The following GOT2 variants were observed in gnomAD, a reference collection of about 807,000 sequenced individuals.
GOT2 encodes the protein aspartate aminotransferase, mitochondrial.
GOT2 carries 17 observed loss-of-function variants against 50.0 expected under a neutral mutation model. That is an observed-to-expected ratio of 0.34 (90% confidence interval 0.23 to 0.51). The LOEUF is 0.51. Ranked by LOEUF, GOT2 falls within the 20% of genes least tolerant of loss-of-function variation. GOT2 has a pLI of 0.97. For synonymous variants in GOT2, 172 were observed against 204.9 expected, an observed-to-expected ratio of 0.84 and a Z score of 1.37; for missense variants, 430 against 559.6, an observed-to-expected ratio of 0.77 and a Z score of 2.34.
intron 8 of GOT2, among the ~76,000 whole-genome samples, chr16:58,714,956 C>T (rs1177032019): frequency 6.6e-6 from 1 of 151,940 alleles, no homozygotes; most frequent in Non-Finnish European, 1.5e-5. Context: ...AGCCACTGTG[C>T]CCAGACTTAA....
chr16:58,723,880 T>C lies in GOT2; in HGVS notation c.112A>G (p.Met38Val), dbSNP rs1169301440. Residue 38 changes from methionine to valine, a missense_variant, in exon 2 of 10, where the codon ATG (methionine) becomes GTG (valine). Transcript: ENST00000245206. The part of the protein sequence containing the change: ...RASSWWTHVE[M>V]GPPDPILGVT... ...CCCAGAATGGGATCTGGAGGTCCCA[T>C]TTCCACATGGGTCCACCAGGAGCTG... is the stretch of plus-strand genomic sequence containing the variant. 1 of 1,613,800 alleles carries C rather than the reference T, an allele frequency of 6.2e-7. No homozygotes were observed. Among genetic ancestry groups the C allele is most frequent in the Non-Finnish European group, 8.5e-7 (1 of 1,179,748 alleles).
intron 1 of GOT2, among the ~76,000 whole-genome samples, chr16:58,733,465 A>T (rs1270294326): frequency 6.6e-6 from 1 of 152,054 alleles, no homozygotes; most frequent in Non-Finnish European, 1.5e-5. Flanking sequence ...GGACCTCCTT[A>T]GGGGCAATAA....
chr16:58,729,526 GA>G (rs2044815752), intron 1 of GOT2, among the ~76,000 whole-genome samples: 2 of 148,524 alleles, frequency 1.3e-5, no homozygotes, highest in Non-Finnish European at 3.0e-5. Context: ...AAAAGAAAAA[GA>G]AAAAACAATG....
At position 58,718,517 on chromosome 16, in the gene GOT2, C is replaced by A. The variant is rs1234138696; in HGVS notation, c.597+10G>T. 1.9e-6 allele frequency: 3 copies of A among 1,565,150 alleles called. No individual in the cohort carries two copies. The highest frequency in any genetic ancestry group is 1.7e-6 in the Non-Finnish European group (2 of 1,156,648). On this transcript the variant is annotated intron_variant, in intron 5 of 9. Transcript: ENST00000245206. ...TTATTCACCTCTCTCACCCTGAAAG[C>A]CACACTTACTGAAATATCCTCCACA...
rs11076256 is a variant in GOT2, at chr16:58,718,562, C to T, written c.562G>A (p.Gly188Ser). ...TCCACAGCGCCTGTGAAGTCAAAACCGCAAGTCTTGGGGTCATAATACCGA... is the reference window on the plus strand; with the variant it reads ...TCCACAGCGCCTGTGAAGTCAAAACTGCAAGTCTTGGGGTCATAATACCGA... ...GYRYYDPKTC[G>S]FDFTGAVEDI... is the part of the protein sequence containing the mutation. Residue 188 changes from glycine (G) to serine (S), a missense_variant, in exon 5 of 10, where the codon GGT becomes AGT. Gly to Ser is a moderately conservative substitution (Grantham distance 56). Coordinates refer to ENST00000245206, the MANE Select transcript of GOT2 (RefSeq NM_002080.4). 117,575 of 1,596,714 alleles carry T rather than the reference C, an allele frequency of 0.074. 4,759 individuals are homozygous for T. Among genetic ancestry groups the T allele is most frequent in the South Asian group, 0.09 (7,899 of 88,192 alleles).
At chr16:58,733,692 G>A (rs1306993119) in intron 1 of GOT2, among the ~76,000 whole-genome samples, 1 of 152,042 alleles carries the variant, frequency 6.6e-6, no homozygotes, top group Non-Finnish European at 1.5e-5. Context: ...GGGCACACAC[G>A]CGGCAGCCAG....
intron 3 of GOT2, 107 bp downstream of exon 3, chr16:58,722,043 G>A: frequency 7.9e-7 from 1 of 1,262,414 alleles, no homozygotes; most frequent in South Asian, 1.3e-5. Context: ...GCCTCCCAAA[G>A]TGGTGGGATT....
rs78619128 is a variant in GOT2 at position 58,708,704 on chromosome 16, T to G, written c.1171-411A>C. ...GATGGGGAAAAAGACACCTTTAGAT[T>G]CAGCAGAGCCAGGATTCAATTATGA... On this transcript the variant is annotated intron_variant, in intron 9 of 9. Coordinates refer to ENST00000245206, the MANE Select transcript of GOT2 (RefSeq NM_002080.4). 6.5e-3 allele frequency among the ~76,000 whole-genome samples: 993 copies of G among 152,256 alleles called. 11 individuals are homozygous for G. The highest frequency in any genetic ancestry group is 0.023 in the African/African-American group (960 of 41,548).
intron 9 of GOT2, among the ~76,000 whole-genome samples, 173 bp from the exon 10 acceptor site, chr16:58,708,466 G>A (rs1248027110): frequency 6.6e-6 from 1 of 152,130 alleles, no homozygotes; most frequent in Non-Finnish European, 1.5e-5. Flanking sequence ...TAAGGCTGGG[G>A]CGGTGGCTCA....
rs1803169 is a variant in GOT2, at chr16:58,709,520, G to A, written c.1067C>T (p.Thr356Ile). 1.9e-6 allele frequency: 3 copies of A among 1,613,446 alleles called. No individual in the cohort carries two copies. The highest frequency in any genetic ancestry group is 2.5e-6 in the Non-Finnish European group (3 of 1,179,418). Reference protein sequence around the residue: ...VMADRIIGMRTQLVSNLKKEG... With the variant: ...VMADRIIGMRIQLVSNLKKEG... ...CTTCTTGAGGTTGGAGACCAGTTGA[G>A]TCCGCATGCCAATGATGCGGTCAGC... Residue 356 changes from threonine to isoleucine, a missense_variant, in exon 9 of 10, where the codon ACT (threonine) becomes ATT (isoleucine). Thr to Ile is a moderately conservative substitution (Grantham distance 89). Transcript: ENST00000245206.
chr16:58,727,814 C>T (rs1189357067), intron 1 of GOT2, among the ~76,000 whole-genome samples: 4 of 152,126 alleles, frequency 2.6e-5, no homozygotes, highest in Non-Finnish European at 4.4e-5. Flanking sequence ...AATAAAGGCT[C>T]ACGGTGAGAA....
At chr16:58,721,968 T>TG (rs1243865269) in intron 3 of GOT2, 182 bp downstream of exon 3, 1 of 496,472 alleles carries the variant, frequency 2.0e-6, no homozygotes, top group African/African-American at 1.9e-5. Flanking sequence ...TTAGTAGAGA[T>TG]GGGGTTTCTC....
Position 58,708,023 on chromosome 16 carries a change from G to T in GOT2, c.*148C>A. The T allele has an allele frequency of 1.4e-6, 1 of 725,470 alleles. No homozygotes were observed. The highest frequency in any genetic ancestry group is 2.2e-6 in the Non-Finnish European group (1 of 464,256). The allele number at this position is 725,470 out of a possible 1,614,324, so 44.9% of individuals were successfully genotyped here. A position where few individuals can be genotyped will look rare whatever the true frequency, so the allele number is the denominator to read the frequency against. On this transcript the variant is annotated 3_prime_UTR_variant, in exon 10 of 10. Coordinates refer to ENST00000245206, the MANE Select transcript of GOT2 (RefSeq NM_002080.4). ...TGTGTCACTACATGTTCTTTTCTGA[G>T]AAACATTCAAATGCTGAGTGTTACA...
intron 1 of GOT2, among the ~76,000 whole-genome samples, chr16:58,727,026 C>A (rs73550809): frequency 6.6e-6 from 1 of 151,820 alleles, no homozygotes; most frequent in Non-Finnish European, 1.5e-5. Context: ...AGGTGGCGTG[C>A]GCCTTTAATC....
chr16:58,720,692 T>C (rs2044733973), intron 3 of GOT2, among the ~76,000 whole-genome samples: 1 of 151,752 alleles, frequency 6.6e-6, no homozygotes, highest in Non-Finnish European at 1.5e-5. Flanking sequence ...ATTCCTCCCA[T>C]GTCAGCCTCC....
chr16:58,722,515 C>T (rs540842839), intron 2 of GOT2, among the ~76,000 whole-genome samples: 4 of 151,864 alleles, frequency 2.6e-5, no homozygotes, highest in Admixed American at 6.6e-5. Context: ...GGATTACAGG[C>T]GTGCACCACC....
intron 8 of GOT2, among the ~76,000 whole-genome samples, chr16:58,714,048 AT>A (rs897027448): frequency 3.3e-5 from 5 of 151,906 alleles, no homozygotes; most frequent in Admixed American, 6.6e-5. Context: ...TGGTAGGTTA[AT>A]TTTTTTATTT....
intron 7 of GOT2, 197 bp from the exon 8 acceptor site, chr16:58,716,376 G>C: frequency 1.6e-6 from 1 of 608,774 alleles, no homozygotes; most frequent in Non-Finnish European, 2.8e-6. Context: ...GTATTCAAAG[G>C]TATTTTTTAT....
In GOT2 at chr16:58,725,235, C is replaced by A. The variant is rs368781658; in HGVS notation, c.90-1333G>T. ...GTTCAAGTGATTCTCCTGCCTCAGC[C>A]TCCCAAGTAGCTGGGATTACAAGTG... On this transcript the variant is annotated intron_variant, in intron 1 of 9. Coordinates refer to ENST00000245206, the MANE Select transcript of GOT2 (RefSeq NM_002080.4). Among the ~76,000 whole-genome samples the A allele has an allele frequency of 7.9e-5, 12 of 152,038 alleles. No individual in the cohort carries two copies. In the East Asian group the frequency reaches 2.3e-3, roughly 29 times the overall value.
Sources: allele counts gnomAD v4.1 joint callset (sites outside exome capture counted in the v4.1 genomes callset), GRCh38; gene constraint gnomAD v4.1.1; transcripts MANE v1.5; gene names NCBI Gene and HGNC (gene_info 2026-07-23, HGNC 2026-07-21).